The following SGK1 variants were observed in gnomAD, a reference collection of about 807,000 sequenced individuals.
SGK1 encodes the protein serine/threonine-protein kinase Sgk1.
Under a neutral mutation model 64.2 loss-of-function variants are expected in SGK1, and 26 were observed. That is an observed-to-expected ratio of 0.40 (90% confidence interval 0.30 to 0.56). The LOEUF (loss-of-function observed/expected upper bound fraction) is 0.56. Ranked by LOEUF, SGK1 falls within the 20% of genes least tolerant of loss-of-function variation. The pLI is 0.38. For synonymous variants in SGK1, 265 were observed against 239.7 expected (o/e 1.11, Z -0.98); for missense variants, 519 against 645.6 (o/e 0.80, Z 2.12).
At chr6:134,317,025 G>C (rs777651490) in intron 1 of SGK1, among the ~76,000 whole-genome samples, 1 of 152,270 alleles carries the variant, frequency 6.6e-6, no homozygotes, top group East Asian at 1.9e-4. Context: ...TCAAAGATGA[G>C]AGGAAGCTGC....
chr6:134,275,864 C>G (rs1341484660), intron 1 of SGK1, among the ~76,000 whole-genome samples: 1 of 152,200 alleles, frequency 6.6e-6, no homozygotes, highest in Non-Finnish European at 1.5e-5. Flanking sequence ...AAGTCACAAA[C>G]TTGGGAAAGC....
Position 134,171,125 on chromosome 6 carries a change from C to T in SGK1, c.1221G>A (p.Lys407=), listed in dbSNP as rs138245764. Residue 407 remains lysine, a synonymous_variant, in exon 12 of 14, where the codon AAG becomes AAA. Coordinates refer to ENST00000367858, the MANE Select transcript of SGK1 (RefSeq NM_001143676.3). ...TAEMYDNILN[K]PLQLKPNITN... is the part of the protein sequence containing the mutation. ...TAATATTTGGTTTCAGCTGGAGAGG[C>T]TTGTTCAGAATGTTGTCGTACATTT... 31 of 1,614,092 alleles carry T rather than the reference C, an allele frequency of 1.9e-5. No individual in the cohort carries two copies. The highest frequency in any genetic ancestry group is 1.6e-4 in the Middle Eastern group (1 of 6,062).
chr6:134,298,642 C>G (rs758098209), intron 1 of SGK1: 72 of 1,332,714 alleles, frequency 5.4e-5, no homozygotes, highest in Non-Finnish European at 7.0e-5. Flanking sequence ...CTGCTGAAGG[C>G]CCGGGGGCCA....
intron 3 of SGK1, among the ~76,000 whole-genome samples, chr6:134,176,902 C>T (rs1439498534): frequency 6.6e-6 from 1 of 152,200 alleles, no homozygotes; most frequent in East Asian, 1.9e-4. Context: ...AAAGTTTGCT[C>T]AGTGCCCACA....
intron 3 of SGK1, among the ~76,000 whole-genome samples, chr6:134,178,844 A>C (rs1255818714): frequency 1.3e-5 from 2 of 152,106 alleles, no homozygotes; most frequent in Non-Finnish European, 2.9e-5. Context: ...TCTCACATTT[A>C]TGTCTCGGTG....
At chr6:134,235,394 CG>C (rs1355002245) in intron 2 of SGK1, among the ~76,000 whole-genome samples, 1 of 151,580 alleles carries the variant, frequency 6.6e-6, no homozygotes, top group Non-Finnish European at 1.5e-5. Flanking sequence ...GTAAAGAAAG[CG>C]GGGGGAGGAA....
chr6:134,216,657 A>G (rs993588846), intron 2 of SGK1, among the ~76,000 whole-genome samples: 2 of 152,220 alleles, frequency 1.3e-5, no homozygotes, highest in African/African-American at 4.8e-5. Flanking sequence ...ATAGACATCA[A>G]CAAAACAGAT....
At chr6:134,235,539 A>ATTT (rs67467396) in intron 2 of SGK1, among the ~76,000 whole-genome samples, 124 of 131,826 alleles carry the variant, frequency 9.4e-4, no homozygotes, top group East Asian at 2.0e-3. Context: ...AAAAATAGAT[A>ATTT]TTTTTATTTA....
At chr6:134,182,467 G>T (rs1582694391) in intron 3 of SGK1, among the ~76,000 whole-genome samples, 1 of 151,014 alleles carries the variant, frequency 6.6e-6, no homozygotes, top group East Asian at 2.0e-4. Context: ...CTGCACTCCA[G>T]CCCGGGCAAC....
chr6:134,187,801 G>A (rs1480109729), intron 3 of SGK1, among the ~76,000 whole-genome samples: 1 of 152,220 alleles, frequency 6.6e-6, no homozygotes, highest in Non-Finnish European at 1.5e-5. Flanking sequence ...GTTCAAGGAA[G>A]GCAAATCCAT....
chr6:134,308,944 G>C (rs1318799711), intron 1 of SGK1, among the ~76,000 whole-genome samples: 1 of 152,214 alleles, frequency 6.6e-6, no homozygotes, highest in Non-Finnish European at 1.5e-5. Flanking sequence ...GAAAGAGAGA[G>C]AGACAGGAGA....
intron 1 of SGK1, among the ~76,000 whole-genome samples, chr6:134,313,052 C>T (rs144868291): frequency 1.2e-3 from 189 of 152,290 alleles, no homozygotes; most frequent in African/African-American, 4.3e-3. Context: ...GCATTACAGG[C>T]GTGAGCCAAC....
At chr6:134,289,780 C>T (rs768580105) in intron 1 of SGK1, among the ~76,000 whole-genome samples, 21 of 151,760 alleles carry the variant, frequency 1.4e-4, no homozygotes, top group Admixed American at 4.6e-4. Flanking sequence ...CTGAGGCGAG[C>T]GGATCACTTG....
rs149029481 is a variant in SGK1 at position 134,272,561 on chromosome 6, C to G, written c.70-10413G>C. Among the ~76,000 whole-genome samples the G allele has an allele frequency of 1.6e-4, 23 of 147,230 alleles. 2 individuals are homozygous for G. Among genetic ancestry groups the G allele is most frequent in the African/African-American group, 4.9e-4 (20 of 41,088 alleles). On this transcript the variant is annotated intron_variant, in intron 1 of 13. Transcript: ENST00000367858. ...TGCAATATCTCTAAAAGCTAGCGAA[C>G]AGACTGCAAGCAAAACATCCTCTTT...
intron 11 of SGK1, 153 bp downstream of exon 11, chr6:134,171,484 T>G: frequency 1.6e-6 from 1 of 628,166 alleles, no homozygotes; most frequent in East Asian, 2.7e-5. Context: ...GGTAAGTGAT[T>G]ATTCTTATGA....
At chr6:134,174,979 C>G (rs1194119350) in intron 3 of SGK1, 2 of 1,290,604 alleles carry the variant, frequency 1.5e-6, no homozygotes, top group Non-Finnish European at 2.1e-6. Flanking sequence ...CCCCGGCCGC[C>G]TCGCGGTTTG....
rs537840694 is a variant in SGK1 at position 134,210,036 on chromosome 6, T to C, written c.286-2605A>G. Among the ~76,000 whole-genome samples the C allele has an allele frequency of 2.0e-5, 3 of 152,308 alleles. No individual in the cohort carries two copies. In the South Asian group the frequency reaches 6.2e-4, roughly 32 times the overall value. ...AATTTACCATCTGGTACAAGCTCCTTCTCTTGTGGACCAGTATCAAAGAAT... is the reference window on the plus strand; with the variant it reads ...AATTTACCATCTGGTACAAGCTCCTCCTCTTGTGGACCAGTATCAAAGAAT... On this transcript the variant is annotated intron_variant, in intron 2 of 13. Transcript: ENST00000367858.
intron 1 of SGK1, among the ~76,000 whole-genome samples, chr6:134,273,526 G>A (rs902128279): frequency 1.4e-5 from 2 of 139,252 alleles, no homozygotes; most frequent in African/African-American, 5.3e-5. Flanking sequence ...CCGGGAGGCG[G>A]AGCTTGCAGT....
chr6:134,177,676 T>C (rs1362983550), intron 3 of SGK1: 1 of 1,613,040 alleles, frequency 6.2e-7, no homozygotes, highest in Admixed American at 1.7e-5. Flanking sequence ...TCAAAGGGGG[T>C]TTTATAGCTT....
Sources: gnomAD v4.1 joint callset for allele counts (sites outside exome capture counted in the v4.1 genomes callset) on GRCh38, gnomAD v4.1.1 for gene constraint, MANE v1.5 for transcripts, NCBI Gene and HGNC (gene_info 2026-07-23, HGNC 2026-07-21) for gene names.